NCK2: variants seen among roughly 807,000 people sequenced by gnomAD.
NCK2 encodes cytoplasmic protein NCK2.
In NCK2, 16 loss-of-function variants were observed where a neutral mutation model predicts 33.9. The observed-to-expected ratio is 0.47, with a 90% CI of 0.32 to 0.72. The LOEUF (loss-of-function observed/expected upper bound fraction) is 0.72. Ranked by LOEUF, NCK2 falls within the 30% of genes least tolerant of loss-of-function variation. The pLI is 0.03. For missense variants in NCK2, 418 were observed against 537.3 expected (o/e 0.78, Z 2.19); for synonymous variants, 273 against 239.9 (o/e 1.14, Z -1.27).
chr2:105,842,431 A>C (rs1156445105), intron 2 of NCK2, among the ~76,000 whole-genome samples: 1 of 151,976 alleles, frequency 6.6e-6, no homozygotes, highest in African/African-American at 2.4e-5. Context: ...CACTGAGGAA[A>C]GTTTGTAACA....
At chr2:105,856,874 T>C (rs1677292044) in intron 3 of NCK2, 2 of 152,186 alleles carry the variant, frequency 1.3e-5, no homozygotes, top group South Asian at 4.1e-4. Context: ...TTATAACTCT[T>C]AATTAACTGT....
At chr2:105,786,139 T>G (rs573380680) in intron 1 of NCK2, among the ~76,000 whole-genome samples, 1 of 152,334 alleles carries the variant, frequency 6.6e-6, no homozygotes, top group South Asian at 2.1e-4. Flanking sequence ...TGATCATCTG[T>G]TGTGTCTAGG....
At position 105,787,993 on chromosome 2, in the gene NCK2, G is replaced by A. The variant is rs145470764; in HGVS notation, c.-200-28437G>A. Among the ~76,000 whole-genome samples the A allele has an allele frequency of 5.4e-3, 805 of 150,098 alleles. 8 individuals carry two copies. Among genetic ancestry groups the A allele is most frequent in the African/African-American group, 0.018 (723 of 40,588 alleles). On this transcript the variant is annotated intron_variant, in intron 1 of 4. Transcript: ENST00000233154. ...CCCTCCTGGGCTCCACGTGCCACCA[G>A]CCAAGGACAAATCAGAGTTGGGATG... is the stretch of plus-strand genomic sequence containing the variant.
intron 3 of NCK2, among the ~76,000 whole-genome samples, chr2:105,860,848 C>T (rs72827111): frequency 3.4e-5 from 5 of 148,838 alleles, no homozygotes; most frequent in African/African-American, 1.0e-4. Flanking sequence ...CCATTCCTTG[C>T]GACTGCAACT....
At chr2:105,828,178 AGT>A (rs1480543101) in intron 2 of NCK2, among the ~76,000 whole-genome samples, 1 of 152,254 alleles carries the variant, frequency 6.6e-6, no homozygotes, top group Non-Finnish European at 1.5e-5. Flanking sequence ...GGATCTAAGA[AGT>A]GTGCAAGCTT....
At chr2:105,886,248 A>C (rs1678715888) in intron 4 of NCK2, among the ~76,000 whole-genome samples, 1 of 152,222 alleles carries the variant, frequency 6.6e-6, no homozygotes, top group African/African-American at 2.4e-5. Context: ...TTAACTCTTG[A>C]AGATGGAAAG....
chr2:105,890,737 GTC>G (rs1165834550), intron 4 of NCK2, among the ~76,000 whole-genome samples: 1 of 152,230 alleles, frequency 6.6e-6, no homozygotes, highest in Non-Finnish European at 1.5e-5. Context: ...CACAATTTGA[GTC>G]TTCTCAGACA....
At chr2:105,746,943 T>G (rs1260436203) in intron 1 of NCK2, among the ~76,000 whole-genome samples, 3 of 152,196 alleles carry the variant, frequency 2.0e-5, no homozygotes, top group Non-Finnish European at 2.9e-5. Context: ...TGAGCTTCTT[T>G]CCTGCTTCAT....
chr2:105,854,039 A>C (rs1015964180), intron 2 of NCK2: 19 of 152,248 alleles, frequency 1.2e-4, no homozygotes, highest in Admixed American at 6.5e-5. Flanking sequence ...TGAGGCCTTA[A>C]AGGGAAGAAG....
intron 1 of NCK2, among the ~76,000 whole-genome samples, chr2:105,779,901 A>C (rs775648643): frequency 3.3e-5 from 5 of 152,164 alleles, no homozygotes; most frequent in Non-Finnish European, 7.3e-5. Flanking sequence ...ATAGCCTACG[A>C]GACCGCCTTC....
chr2:105,810,686 GA>G (rs1675261941), intron 1 of NCK2, among the ~76,000 whole-genome samples: 1 of 152,146 alleles, frequency 6.6e-6, no homozygotes, highest in Non-Finnish European at 1.5e-5. Context: ...TGGACTAGAG[GA>G]AAAACCTTAG....
intron 1 of NCK2, among the ~76,000 whole-genome samples, chr2:105,774,456 T>TCTG (rs1690240049): frequency 6.6e-6 from 1 of 152,076 alleles, no homozygotes; most frequent in South Asian, 2.1e-4. Flanking sequence ...AAAAATAAAA[T>TCTG]TGATGTATTG....
At chr2:105,891,174 A>T (rs893812954) in intron 4 of NCK2, among the ~76,000 whole-genome samples, 3 of 151,860 alleles carry the variant, frequency 2.0e-5, no homozygotes, top group Non-Finnish European at 4.4e-5. Context: ...CACTCTCAAT[A>T]CTCACATACT....
At chr2:105,876,189 A>G (rs1678228518) in intron 3 of NCK2, among the ~76,000 whole-genome samples, 1 of 152,204 alleles carries the variant, frequency 6.6e-6, no homozygotes. Context: ...CTCCAACCAA[A>G]ATGCTCAAAA....
chr2:105,814,432 G>A (rs1675407922), intron 1 of NCK2, among the ~76,000 whole-genome samples: 1 of 152,174 alleles, frequency 6.6e-6, no homozygotes, highest in Admixed American at 6.5e-5. Context: ...GCTCCGTTCT[G>A]TCTGGCTTTT....
At chr2:105,780,412 C>A (rs1690454210) in intron 1 of NCK2, among the ~76,000 whole-genome samples, 2 of 152,022 alleles carry the variant, frequency 1.3e-5, no homozygotes, top group African/African-American at 4.8e-5. Context: ...CTGGCTCTCT[C>A]ATTTTCGTTT....
chr2:105,880,669 T>C (rs879765702), intron 3 of NCK2, among the ~76,000 whole-genome samples: 18 of 152,222 alleles, frequency 1.2e-4, no homozygotes, highest in Admixed American at 5.9e-4. Context: ...AAAGATATTT[T>C]CTCTGCATTT....
chr2:105,773,312 C>T (rs184758683), intron 1 of NCK2, among the ~76,000 whole-genome samples: 3 of 152,128 alleles, frequency 2.0e-5, no homozygotes, highest in Admixed American at 2.0e-4. Flanking sequence ...CCCCCTTGTC[C>T]CTCTCCTTTC....
chr2:105,766,072 C>T (rs1173741558), intron 1 of NCK2, among the ~76,000 whole-genome samples: 1 of 152,098 alleles, frequency 6.6e-6, no homozygotes, highest in Non-Finnish European at 1.5e-5. Context: ...ACATTGCTAC[C>T]ATGGATAGTA....
Sources: allele counts gnomAD v4.1 joint callset (sites outside exome capture counted in the v4.1 genomes callset), GRCh38; gene constraint gnomAD v4.1.1; transcripts MANE v1.5; gene names NCBI Gene and HGNC (gene_info 2026-07-23, HGNC 2026-07-21).